CACNB2: variants seen among roughly 807,000 people sequenced by gnomAD.
CACNB2 encodes the protein voltage-dependent L-type calcium channel subunit beta-2.
Under a neutral mutation model 73.3 loss-of-function variants are expected in CACNB2, and 42 were observed. That is an observed-to-expected ratio of 0.57 (90% confidence interval 0.45 to 0.74). The LOEUF (loss-of-function observed/expected upper bound fraction) is 0.74, where lower values mean the gene tolerates loss of function less well. CACNB2 is among the 30% of genes least tolerant of loss of function. The pLI, the probability that CACNB2 is intolerant of heterozygous loss-of-function variation, is 0.00. For synonymous variants in CACNB2, 348 were observed against 310.3 expected, an observed-to-expected ratio of 1.12 and a Z score of -1.28; for missense variants, 940 against 853.0, an observed-to-expected ratio of 1.10 and a Z score of -1.27.
intron 3 of CACNB2, among the ~76,000 whole-genome samples, chr10:18,414,501 T>G: frequency 7.9e-6 from 1 of 125,832 alleles, no homozygotes; most frequent in Non-Finnish European, 1.7e-5. Flanking sequence ...TTTTTTTTTT[T>G]TTTTGGAGAC....
intron 2 of CACNB2, among the ~76,000 whole-genome samples, chr10:18,188,498 T>A (rs912850005): frequency 1.9e-4 from 29 of 151,844 alleles, no homozygotes; most frequent in African/African-American, 6.5e-4. Flanking sequence ...AGAGACAGGG[T>A]CTTACTGTGT....
intron 2 of CACNB2, among the ~76,000 whole-genome samples, chr10:18,160,232 G>A (rs2068356): frequency 0.12 from 18,309 of 151,936 alleles, 1,188 homozygotes; most frequent in East Asian, 0.24. Flanking sequence ...ATTATTTTTA[G>A]GTATTTGGAA....
chr10:18,503,358 A>G (rs893563212), intron 5 of CACNB2, among the ~76,000 whole-genome samples: 1 of 152,194 alleles, frequency 6.6e-6, no homozygotes, highest in Non-Finnish European at 1.5e-5. Context: ...GCACTTTGGG[A>G]GGCCAAAGCA....
rs117713261 is a variant in CACNB2, at chr10:18,204,786, C to G, written c.213+53811C>G. On this transcript the variant is annotated intron_variant, in intron 2 of 13. Coordinates refer to ENST00000324631, the MANE Select transcript of CACNB2 (RefSeq NM_201596.3). ...AACAGCCTAGAATACAGTAAACATTCAAAAGTACTTGTTGAGTAAATGAAT... is the reference window on the plus strand; with the variant it reads ...AACAGCCTAGAATACAGTAAACATTGAAAAGTACTTGTTGAGTAAATGAAT... 3.8e-3 allele frequency among the ~76,000 whole-genome samples: 571 copies of G among 152,230 alleles called. 2 individuals carry two copies. Among genetic ancestry groups the G allele is most frequent in the South Asian group, 0.017 (82 of 4,820 alleles).
intron 2 of CACNB2, among the ~76,000 whole-genome samples, chr10:18,183,979 C>T (rs2034022469): frequency 6.6e-6 from 1 of 152,190 alleles, no homozygotes; most frequent in Non-Finnish European, 1.5e-5. Context: ...ATTATAGTAC[C>T]TATCTAATTG....
intron 2 of CACNB2, among the ~76,000 whole-genome samples, chr10:18,366,065 G>C (rs146769519): frequency 2.6e-5 from 4 of 152,184 alleles, no homozygotes; most frequent in Admixed American, 2.6e-4. Flanking sequence ...GTTCATTAGG[G>C]TTCTTTTCCC....
intron 2 of CACNB2, among the ~76,000 whole-genome samples, chr10:18,251,061 A>C (rs1386327689): frequency 6.6e-6 from 1 of 152,188 alleles, no homozygotes; most frequent in Non-Finnish European, 1.5e-5. Flanking sequence ...CATTGCCCTC[A>C]AATATTTATC....
intron 2 of CACNB2, among the ~76,000 whole-genome samples, chr10:18,351,584 C>T (rs1298648289): frequency 6.6e-6 from 1 of 152,128 alleles, no homozygotes; most frequent in Non-Finnish European, 1.5e-5. Context: ...CTGCCTTTTT[C>T]ACTCTACCAT....
rs141831876 is a variant in CACNB2 at position 18,374,459 on chromosome 10, G to A, written c.214-27465G>A. 9.1e-3 allele frequency among the ~76,000 whole-genome samples: 1,384 copies of A among 152,338 alleles called. 32 individuals carry two copies. Among genetic ancestry groups the A allele is most frequent in the African/African-American group, 0.029 (1,186 of 41,574 alleles). ...TAGTCAAGGCAAGGCCGGGTACAGT[G>A]GCTCATGCCTATAATCCCAGCACTT... On this transcript the variant is annotated intron_variant, in intron 2 of 13. Coordinates refer to ENST00000324631, the MANE Select transcript of CACNB2 (RefSeq NM_201596.3).
At chr10:18,201,049 T>C (rs2034856230) in intron 2 of CACNB2, among the ~76,000 whole-genome samples, 1 of 152,226 alleles carries the variant, frequency 6.6e-6, no homozygotes, top group South Asian at 2.1e-4. Flanking sequence ...ATTAATTCTA[T>C]TGGGTGATCA....
intron 2 of CACNB2, among the ~76,000 whole-genome samples, chr10:18,273,852 A>C (rs1375172647): frequency 6.6e-6 from 1 of 152,222 alleles, no homozygotes; most frequent in Non-Finnish European, 1.5e-5. Flanking sequence ...GCTAAAATGA[A>C]ATACCACATA....
chr10:18,466,406 A>C (rs559177874), intron 3 of CACNB2, among the ~76,000 whole-genome samples: 26 of 151,690 alleles, frequency 1.7e-4, no homozygotes, highest in African/African-American at 6.0e-4. Context: ...TGCCCAGCTA[A>C]ATTTTTTACA....
intron 2 of CACNB2, among the ~76,000 whole-genome samples, chr10:18,246,459 G>A (rs2036863849): frequency 6.6e-6 from 1 of 152,088 alleles, no homozygotes; most frequent in African/African-American, 2.4e-5. Context: ...CATAAATGAG[G>A]TAAAGATAGG....
At chr10:18,173,892 T>C (rs1489555729) in intron 2 of CACNB2, among the ~76,000 whole-genome samples, 5 of 152,246 alleles carry the variant, frequency 3.3e-5, no homozygotes, top group Non-Finnish European at 7.3e-5. Context: ...GTGCCACAAA[T>C]ACTCCTGCAA....
chr10:18,338,288 C>T (rs1277883097), intron 2 of CACNB2, among the ~76,000 whole-genome samples: 1 of 152,170 alleles, frequency 6.6e-6, no homozygotes, highest in African/African-American at 2.4e-5. Flanking sequence ...ACATAAAACT[C>T]TGGCCAACAA....
At chr10:18,433,081 C>G (rs1168197930) in intron 3 of CACNB2, among the ~76,000 whole-genome samples, 1 of 151,046 alleles carries the variant, frequency 6.6e-6, no homozygotes, top group Admixed American at 6.6e-5. Context: ...GTTTAGATAA[C>G]ACTATTTATT....
At chr10:18,492,928 G>C (rs1173873596) in intron 3 of CACNB2, among the ~76,000 whole-genome samples, 1 of 152,056 alleles carries the variant, frequency 6.6e-6, no homozygotes, top group African/African-American at 2.4e-5. Context: ...TATAGCAAAT[G>C]CCTATTAATA....
intron 9 of CACNB2, among the ~76,000 whole-genome samples, chr10:18,526,300 C>G (rs1022608419): frequency 6.6e-6 from 1 of 152,188 alleles, no homozygotes; most frequent in South Asian, 2.1e-4. Context: ...AGGCTGAAGA[C>G]TCAACATTCA....
chr10:18,490,523 T>A (rs1344285474), intron 3 of CACNB2, among the ~76,000 whole-genome samples: 2 of 152,160 alleles, frequency 1.3e-5, no homozygotes, highest in East Asian at 3.9e-4. Context: ...TGGCCAGGAA[T>A]CCAGGTAGAA....
Sources: gnomAD v4.1 joint callset for allele counts (sites outside exome capture counted in the v4.1 genomes callset) on GRCh38, gnomAD v4.1.1 for gene constraint, MANE v1.5 for transcripts, NCBI Gene and HGNC (gene_info 2026-07-23, HGNC 2026-07-21) for gene names.